FAM227B: variants seen among roughly 807,000 people sequenced by gnomAD.
The protein encoded by FAM227B is protein FAM227B.
FAM227B carries 88 observed loss-of-function variants against 73.8 expected under a neutral mutation model. The observed-to-expected ratio is 1.19, with a 90% CI of 1.00 to 1.42. FAM227B has a LOEUF of 1.42. FAM227B is among the 40% of genes most tolerant of loss of function. FAM227B has a pLI of 0.00. For missense variants in FAM227B, 632 were observed against 590.9 expected, an observed-to-expected ratio of 1.07 and a Z score of -0.72; for synonymous variants, 210 against 190.5, an observed-to-expected ratio of 1.10 and a Z score of -0.84.
Position 49,569,147 on chromosome 15 carries a change from T to G in FAM227B, c.646-801A>C, listed in dbSNP as rs543250613. 1.3e-4 allele frequency among the ~76,000 whole-genome samples: 20 copies of G among 152,046 alleles called. No individual in the cohort carries two copies. The South Asian group carries it at 3.7e-3, about 28-fold the overall frequency. ...AATTTGTCTATTTCAACTACATTATTCCAATTTGTTGGCATATATTCATTT... is the reference window on the plus strand; with the variant it reads ...AATTTGTCTATTTCAACTACATTATGCCAATTTGTTGGCATATATTCATTT... On this transcript the variant is annotated intron_variant, in intron 8 of 15. Transcript: ENST00000299338.
chr15:49,386,889 GA>G (rs1412309143), intron 11 of FAM227B, among the ~76,000 whole-genome samples: 1 of 151,728 alleles, frequency 6.6e-6, no homozygotes, highest in African/African-American at 2.4e-5. Flanking sequence ...GCACAAACTA[GA>G]AAACCTAGAG....
intron 11 of FAM227B, among the ~76,000 whole-genome samples, chr15:49,378,007 T>A (rs767774279): frequency 2.6e-5 from 4 of 152,140 alleles, no homozygotes; most frequent in Non-Finnish European, 4.4e-5. Flanking sequence ...CAGATGTAAG[T>A]CTTTATTTCA....
At chr15:49,411,743 C>T (rs904705512) in intron 11 of FAM227B, among the ~76,000 whole-genome samples, 3 of 151,844 alleles carry the variant, frequency 2.0e-5, no homozygotes, top group Non-Finnish European at 4.4e-5. Flanking sequence ...TGAAATATGG[C>T]GGAAGTTCTT....
chr15:49,603,449 A>T (rs989638619), intron 3 of FAM227B, among the ~76,000 whole-genome samples: 2 of 152,052 alleles, frequency 1.3e-5, no homozygotes, highest in African/African-American at 4.8e-5. Context: ...CTCTCTTGGC[A>T]TATAGAAATG....
At position 49,476,692 on chromosome 15, in the gene FAM227B, A is replaced by G. The variant is rs1172899489; in HGVS notation, c.1012+31519T>C. On this transcript the variant is annotated intron_variant, in intron 11 of 15. Transcript: ENST00000299338. ...TAGTTTCTCTACACTCAATGATATT[A>G]TATTATTAAAGTCAGCTGCATTTAA... Among the ~76,000 whole-genome samples, 3 of 152,214 alleles carry G rather than the reference A, an allele frequency of 2.0e-5. No homozygotes were observed. In the East Asian group the frequency reaches 5.8e-4, roughly 29 times the overall value.
intron 11 of FAM227B, among the ~76,000 whole-genome samples, chr15:49,439,992 A>T (rs1165422629): frequency 2.0e-5 from 3 of 151,766 alleles, no homozygotes; most frequent in African/African-American, 4.8e-5. Context: ...AGCGTTTATC[A>T]CATTATCAAA....
At chr15:49,585,035 T>C (rs913022281) in intron 5 of FAM227B, among the ~76,000 whole-genome samples, 3 of 152,116 alleles carry the variant, frequency 2.0e-5, no homozygotes, top group Non-Finnish European at 4.4e-5. Flanking sequence ...GCGAAGGATA[T>C]GAACAGACAC....
rs372768971 is a variant in FAM227B, at chr15:49,553,676, G to A, written c.748-11870C>T. ...AGAGTCATCTCACCCTGTAGCCACTGTCACACCATGCCATGAGGAATATTG... is the reference window on the plus strand; with the variant it reads ...AGAGTCATCTCACCCTGTAGCCACTATCACACCATGCCATGAGGAATATTG... On this transcript the variant is annotated intron_variant, in intron 9 of 15. Coordinates refer to ENST00000299338, the MANE Select transcript of FAM227B (RefSeq NM_152647.3). 2.0e-5 allele frequency among the ~76,000 whole-genome samples: 3 copies of A among 152,278 alleles called. No individual in the cohort carries two copies. The East Asian group carries it at 5.8e-4, about 29-fold the overall frequency.
intron 11 of FAM227B, among the ~76,000 whole-genome samples, chr15:49,409,123 A>G (rs111753360): frequency 0.023 from 3,545 of 152,220 alleles, 87 homozygotes; most frequent in South Asian, 0.13. Context: ...GGCTGGCATG[A>G]GAGTCCTCTG....
chr15:49,383,100 C>T (rs1027249344), intron 11 of FAM227B, among the ~76,000 whole-genome samples: 69 of 151,890 alleles, frequency 4.5e-4, no homozygotes, highest in African/African-American at 1.4e-3. Flanking sequence ...AAAGAATAAA[C>T]AGTTGATGGA....
intron 10 of FAM227B, among the ~76,000 whole-genome samples, chr15:49,517,032 GA>G (rs1262102370): frequency 6.6e-6 from 1 of 152,130 alleles, no homozygotes; most frequent in Admixed American, 6.6e-5. Flanking sequence ...GCCTCTAAAG[GA>G]ACACATCTCT....
chr15:49,479,597 C>CTTTTTTT (rs1567359064), intron 11 of FAM227B, among the ~76,000 whole-genome samples: 6 of 102,082 alleles, frequency 5.9e-5, no homozygotes, highest in Admixed American at 1.1e-4. Flanking sequence ...GTTAATACCT[C>CTTTTTTT]TGTTTTTTTT....
rs1315227137 is a variant in FAM227B at position 49,576,851 on chromosome 15, A to G, written c.442-6T>C. On this transcript the variant is annotated splice_region_variant and splice_polypyrimidine_tract_variant and intron_variant, in intron 6 of 15. Coordinates refer to ENST00000299338, the MANE Select transcript of FAM227B (RefSeq NM_152647.3). ...AATCCTGTGAAGCTGCAACCCTAGA[A>G]AGAGGAAAATATAACAGGAGAGTAA... is the stretch of plus-strand genomic sequence containing the variant. 10 of 1,576,538 alleles carry G rather than the reference A, an allele frequency of 6.3e-6. No homozygotes were observed. Among genetic ancestry groups the G allele is most frequent in the African/African-American group, 1.4e-5 (1 of 73,892 alleles).
intron 11 of FAM227B, among the ~76,000 whole-genome samples, chr15:49,422,120 TAGAGAG>T (rs3075167): frequency 6.7e-5 from 9 of 134,462 alleles, no homozygotes; most frequent in Admixed American, 2.2e-4. Flanking sequence ...GCATTTCACA[TAGAGAG>T]AGAGAGAGAG....
At chr15:49,541,118 G>A (rs572683050) in intron 10 of FAM227B, among the ~76,000 whole-genome samples, 9 of 152,132 alleles carry the variant, frequency 5.9e-5, no homozygotes, top group Non-Finnish European at 8.8e-5. Context: ...AATGCTGGGA[G>A]GTCATTCTAG....
At chr15:49,499,867 G>T (rs985021940) in intron 11 of FAM227B, among the ~76,000 whole-genome samples, 4 of 152,046 alleles carry the variant, frequency 2.6e-5, no homozygotes, top group African/African-American at 9.7e-5. Flanking sequence ...ATGAATTAGA[G>T]ACCTAAAAGT....
chr15:49,407,570 A>G (rs1195931778), intron 11 of FAM227B, among the ~76,000 whole-genome samples: 2 of 150,960 alleles, frequency 1.3e-5, no homozygotes, highest in African/African-American at 4.9e-5. Flanking sequence ...ATTCAAATAT[A>G]TATTTAACTA....
chr15:49,435,262 T>C (rs1349573360), intron 11 of FAM227B, among the ~76,000 whole-genome samples: 1 of 151,592 alleles, frequency 6.6e-6, no homozygotes, highest in Non-Finnish European at 1.5e-5. Flanking sequence ...TTTATGGAGT[T>C]TTTTCCCTAA....
At chr15:49,398,905 C>A (rs1392192567) in intron 11 of FAM227B, among the ~76,000 whole-genome samples, 1 of 71,568 alleles carries the variant, frequency 1.4e-5, no homozygotes, top group Admixed American at 1.2e-4. Flanking sequence ...AGGAAAGATC[C>A]AAAATTGACA....
Sources: gnomAD v4.1 joint callset for allele counts (sites outside exome capture counted in the v4.1 genomes callset) on GRCh38, gnomAD v4.1.1 for gene constraint, MANE v1.5 for transcripts, NCBI Gene and HGNC (gene_info 2026-07-23, HGNC 2026-07-21) for gene names.